The following P2RX4 variants were observed in gnomAD, a reference collection of about 807,000 sequenced individuals.
P2RX4 encodes P2X purinoceptor 4.
Under a neutral mutation model 48.0 loss-of-function variants are expected in P2RX4, and 37 were observed. The ratio of observed to expected loss-of-function variants is 0.77; its 90% confidence interval spans 0.59 to 1.01. The LOEUF (loss-of-function observed/expected upper bound fraction) is 1.01, where lower values mean the gene tolerates loss of function less well. P2RX4 is among the 50% of genes least tolerant of loss of function. P2RX4 has a pLI of 0.00. For missense variants in P2RX4, 501 were observed against 521.4 expected, an observed-to-expected ratio of 0.96 and a Z score of 0.38; for synonymous variants, 200 against 199.7, an observed-to-expected ratio of 1.00 and a Z score of -0.01.
intron 8 of P2RX4, among the ~76,000 whole-genome samples, chr12:121,230,936 G>GCA (rs1887304325): frequency 6.8e-6 from 1 of 146,346 alleles, no homozygotes; most frequent in Middle Eastern, 3.5e-3. Context: ...GTATATATGT[G>GCA]TATATATATA....
chr12:121,222,981 G>A lies in P2RX4; in HGVS notation c.462G>A (p.Gly154=). 1 of 1,613,854 alleles carries A rather than the reference G, an allele frequency of 6.2e-7. No homozygotes were observed. Among genetic ancestry groups the A allele is most frequent in the South Asian group, 1.1e-5 (1 of 91,054 alleles). ...CAGGCAGGTGCGTAGCTTTCAACGG[G>A]TCTGTCAAGACGTGTGAGGTGGCGG... is the stretch of plus-strand genomic sequence containing the variant. The part of the protein sequence containing the change: ...VSTGRCVAFN[G]SVKTCEVAAW... Residue 154 remains glycine (G), a synonymous_variant, in exon 5 of 12, where the codon GGG becomes GGA. Transcript: ENST00000337233.
rs112856116 is a variant in P2RX4, at chr12:121,229,834, C to A, written c.884+735C>A. Among the ~76,000 whole-genome samples the A allele has an allele frequency of 2.6e-5, 4 of 152,132 alleles. No individual in the cohort carries two copies. Among genetic ancestry groups the A allele is most frequent in the South Asian group, 4.1e-4 (2 of 4,826 alleles). ...AGTCTCTGCCTCTCCTGTCATGAGG[C>A]CTTCTGCCTTGTATGTGTCTCTGTG... is the stretch of plus-strand genomic sequence containing the variant. On this transcript the variant is annotated intron_variant, in intron 8 of 11. Coordinates refer to ENST00000337233, the MANE Select transcript of P2RX4 (RefSeq NM_002560.3). This position sits in a 1 kb window ranked among gnomAD's most constrained non-coding sequence, Gnocchi z 4.6.
chr12:121,220,097 G>A lies in P2RX4; in HGVS notation c.283-1816G>A, dbSNP rs552968448. 3.6e-4 allele frequency among the ~76,000 whole-genome samples: 55 copies of A among 152,256 alleles called. No homozygotes were observed. In the Middle Eastern group the frequency reaches 0.014, roughly 38 times the overall value. On this transcript the variant is annotated intron_variant, in intron 2 of 11. Coordinates refer to ENST00000337233, the MANE Select transcript of P2RX4 (RefSeq NM_002560.3). ...ACCTTTTCAAAGAGAAATGTCACTT[G>A]CTGACCCTGACCGAGTCTTCTCTAG...
In P2RX4 at chr12:121,210,243, A is replaced by G. The variant is rs765568739; in HGVS notation, c.79A>G (p.Lys27Glu). ...GCGCATCGTGCTCATCCGCAGCCGC[A>G]AAGTGGGGCTCATGAACCGCGCCGT... The part of the protein sequence containing the change: ...TPRIVLIRSR[K>E]VGLMNRAVQL... Residue 27 changes from lysine (K) to glutamate (E), a missense_variant, in exon 1 of 12, where the codon AAA becomes GAA. Around this residue, in one of 3 missense-constraint regions of P2RX4, gnomAD observed 295 missense variants for 275.3 expected, o/e 1.07. Transcript: ENST00000337233. 1.3e-6 allele frequency: 2 copies of G among 1,563,278 alleles called. No individual in the cohort carries two copies. Among genetic ancestry groups the G allele is most frequent in the Admixed American group, 3.7e-5 (2 of 53,592 alleles).
intron 1 of P2RX4, among the ~76,000 whole-genome samples, chr12:121,211,051 T>C (rs757413008): frequency 2.6e-4 from 40 of 152,234 alleles, no homozygotes; most frequent in Non-Finnish European, 5.4e-4. Context: ...AAAGTTTGCT[T>C]CCTTTGTTTT....
At chr12:121,220,014 T>C (rs1166750880) in intron 2 of P2RX4, among the ~76,000 whole-genome samples, 1 of 152,212 alleles carries the variant, frequency 6.6e-6, no homozygotes, top group Non-Finnish European at 1.5e-5. Context: ...AGCAAATTGC[T>C]TTCCAGAAAC....
chr12:121,229,194 C>A lies in P2RX4; in HGVS notation c.884+95C>A. On this transcript the variant is annotated intron_variant, in intron 8 of 11. Transcript: ENST00000337233. The surrounding 1 kb of genome is among the most constrained non-coding windows in gnomAD (Gnocchi z 4.6). ...CGCCCACTGAAGACCAGCACTCAGG[C>A]AGCACCCCAAGGGCAGGCTGCCGGT... The A allele has an allele frequency of 1.4e-6, 2 of 1,480,900 alleles. No homozygotes were observed. The highest frequency in any genetic ancestry group is 1.9e-6 in the Non-Finnish European group (2 of 1,065,220). 91.7% of individuals were successfully genotyped at this position (1,480,900 alleles called of 1,614,324 possible).
At position 121,228,866 on chromosome 12, in the gene P2RX4, G is replaced by A; in HGVS notation, c.747G>A (p.Glu249=). ...AGHSFQDMAV[E]GGIMGIQVNW... ...ACAGTTTCCAGGACATGGCCGTGGAGGTGGGTGCGGGCCCTGGCTCTCCTG... is the reference window on the plus strand; with the variant it reads ...ACAGTTTCCAGGACATGGCCGTGGAAGTGGGTGCGGGCCCTGGCTCTCCTG... The change falls in exon 7 of 12, where the codon GAG becomes GAA. Residue 249 remains glutamate, a splice_region_variant and synonymous_variant. Transcript: ENST00000337233. 2 of 1,614,170 alleles carry A rather than the reference G, an allele frequency of 1.2e-6. No homozygotes were observed. Among genetic ancestry groups the A allele is most frequent in the Non-Finnish European group, 1.7e-6 (2 of 1,180,048 alleles).
intron 5 of P2RX4, among the ~76,000 whole-genome samples, chr12:121,225,709 C>A (rs1886939076): frequency 6.6e-6 from 1 of 151,952 alleles, no homozygotes; most frequent in African/African-American, 2.4e-5. Flanking sequence ...CCACGCCCGG[C>A]CCTGAATATT....
chr12:121,226,195 T>A (rs1019901528), intron 5 of P2RX4, among the ~76,000 whole-genome samples: 1 of 152,046 alleles, frequency 6.6e-6, no homozygotes, highest in Non-Finnish European at 1.5e-5. Context: ...TTATTGGACA[T>A]CACTGTTGCA....
In P2RX4 at chr12:121,210,193, C is replaced by A. The variant is rs746147664; in HGVS notation, c.29C>A (p.Ala10Asp). MAGCCAALA[A>D]FLFEYDTPRI... ...GCGGGCTGCTGCGCCGCGCTGGCGG[C>A]CTTCCTGTTCGAGTACGACACGCCG... Residue 10 changes from alanine (A) to aspartate (D), a missense_variant, in exon 1 of 12, where the codon GCC becomes GAC. This residue lies in a region of P2RX4 where 295 missense variants were observed against 275.3 expected (regional missense o/e 1.07). Coordinates refer to ENST00000337233, the MANE Select transcript of P2RX4 (RefSeq NM_002560.3). 6.5e-7 allele frequency: 1 copy of A among 1,541,104 alleles called. No individual in the cohort carries two copies. The highest frequency in any genetic ancestry group is 8.7e-7 in the Non-Finnish European group (1 of 1,150,426).
chr12:121,223,132 G>GGGAC, intron 5 of P2RX4, 89 bp downstream of exon 5: 1 of 832,572 alleles, frequency 1.2e-6, no homozygotes. Flanking sequence ...GGAGTGCAGT[G>GGGAC]GTGCGATCTT....
At chr12:121,218,625 C>T (rs767137541) in intron 2 of P2RX4, among the ~76,000 whole-genome samples, 33 of 152,116 alleles carry the variant, frequency 2.2e-4, no homozygotes, top group Admixed American at 3.9e-4. Context: ...ATGTCATGCT[C>T]GGTGTGTTTA....
In P2RX4 at chr12:121,232,847, C is replaced by T; in HGVS notation, c.1045-150C>T. On this transcript the variant is annotated intron_variant, in intron 10 of 11. Coordinates refer to ENST00000337233, the MANE Select transcript of P2RX4 (RefSeq NM_002560.3). The surrounding 1 kb of genome is among the most constrained non-coding windows in gnomAD (Gnocchi z 4.3). ...CCACCTTCCCTTCTCCAAGACCACC[C>T]CCCTCAGGTCCCAGCCTTCTCCCAA... 1.2e-6 allele frequency: 1 copy of T among 850,030 alleles called. No individual in the cohort carries two copies. The highest frequency in any genetic ancestry group is 1.3e-5 in the South Asian group (1 of 75,028). The allele number at this position is 850,030 out of a possible 1,614,324, so 52.7% of individuals were successfully genotyped here. A position where few individuals can be genotyped will look rare whatever the true frequency, so the allele number is the denominator to read the frequency against.
At chr12:121,231,239 T>C (rs1409790785) in intron 8 of P2RX4, among the ~76,000 whole-genome samples, 2 of 152,086 alleles carry the variant, frequency 1.3e-5, no homozygotes, top group Non-Finnish European at 2.9e-5. Flanking sequence ...TCCACCTGCC[T>C]CGGCCTCCCA....
In P2RX4 at chr12:121,228,552, G is replaced by T; in HGVS notation, c.544G>T (p.Ala182Ser). Residue 182 changes from alanine (A) to serine (S), a missense_variant, in exon 6 of 12, where the codon GCA (alanine) becomes TCA (serine). By Grantham distance (99) the Ala-to-Ser change is moderately conservative (BLOSUM62 1). Coordinates refer to ENST00000337233, the MANE Select transcript of P2RX4 (RefSeq NM_002560.3). Reference protein sequence around the residue: ...HVPQPAFLKAAENFTLLVKNN... With the variant: ...HVPQPAFLKASENFTLLVKNN... Reference sequence around the variant, plus strand: ...TTTCAGACCTGCTTTTTTAAAGGCTGCAGAAAACTTCACTCTTTTGGTTAA... The same window carrying T: ...TTTCAGACCTGCTTTTTTAAAGGCTTCAGAAAACTTCACTCTTTTGGTTAA... 6.2e-7 allele frequency: 1 copy of T among 1,612,416 alleles called. No homozygotes were observed. Among genetic ancestry groups the T allele is most frequent in the Non-Finnish European group, 8.5e-7 (1 of 1,179,518 alleles).
In P2RX4 at chr12:121,228,954, C is replaced by T. The variant is rs759352210; in HGVS notation, c.748-9C>T. ...AAAGCCTTGCCGTGTCTCTGCTGCT[C>T]ATCCCCAGGGAGGCATCATGGGCAT... On this transcript the variant is annotated splice_polypyrimidine_tract_variant and intron_variant, in intron 7 of 11. Coordinates refer to ENST00000337233, the MANE Select transcript of P2RX4 (RefSeq NM_002560.3). 14 of 1,613,978 alleles carry T rather than the reference C, an allele frequency of 8.7e-6. No individual in the cohort carries two copies. The highest frequency in any genetic ancestry group is 1.1e-5 in the Non-Finnish European group (13 of 1,180,026).
At chr12:121,223,980 C>T (rs541447865) in intron 5 of P2RX4, among the ~76,000 whole-genome samples, 3 of 152,312 alleles carry the variant, frequency 2.0e-5, no homozygotes, top group African/African-American at 4.8e-5. Context: ...CAGCATAGCC[C>T]GGGAGGCAGC....
chr12:121,233,550 G>A lies in P2RX4; in HGVS notation c.*1G>A. 6.2e-7 allele frequency: 1 copy of A among 1,608,890 alleles called. No individual in the cohort carries two copies. The highest frequency in any genetic ancestry group is 8.5e-7 in the Non-Finnish European group (1 of 1,177,440). On this transcript the variant is annotated 3_prime_UTR_variant, in exon 12 of 12. Transcript: ENST00000337233. Reference sequence around the variant, plus strand: ...TCTTGCTAGTGAGCTGGACCAGTGAGGCCTACCCCACACCTGGGCTCTCCA... The same window carrying A: ...TCTTGCTAGTGAGCTGGACCAGTGAAGCCTACCCCACACCTGGGCTCTCCA...
Sources: gnomAD v4.1 joint callset for allele counts (sites outside exome capture counted in the v4.1 genomes callset) on GRCh38, gnomAD v4.1.1 for gene constraint, gnomAD v4.1.1 regional missense constraint, Gnocchi (gnomAD v3.1) non-coding constraint, MANE v1.5 for transcripts, NCBI Gene and HGNC (gene_info 2026-07-23, HGNC 2026-07-21) for gene names.